The following SOCS7 variants were observed in gnomAD, a reference collection of about 807,000 sequenced individuals.
SOCS7 encodes the protein suppressor of cytokine signaling 7.
In SOCS7, 18 loss-of-function variants were observed where a neutral mutation model predicts 58.9. The observed-to-expected ratio is 0.31, with a 90% CI of 0.21 to 0.45. SOCS7 has a LOEUF of 0.45. SOCS7 is among the 20% of genes least tolerant of loss of function. The pLI is 1.00. For missense variants in SOCS7, 667 were observed against 837.3 expected, an observed-to-expected ratio of 0.80 and a Z score of 2.51; for synonymous variants, 388 against 364.3, an observed-to-expected ratio of 1.06 and a Z score of -0.74.
intron 2 of SOCS7, 98 bp downstream of exon 2, chr17:38,361,873 C>T (rs1256009926): frequency 1.3e-5 from 11 of 828,034 alleles, no homozygotes; most frequent in South Asian, 5.0e-5. Flanking sequence ...GAGCTGTAGG[C>T]GTGTCTGCAG....
chr17:38,385,341 A>T (rs1045911091), intron 7 of SOCS7, among the ~76,000 whole-genome samples: 1 of 151,690 alleles, frequency 6.6e-6, no homozygotes, highest in Non-Finnish European at 1.5e-5. Context: ...TGTACTCTGA[A>T]TTTCCTGTAA....
chr17:38,376,743 A>G (rs2037936490), intron 6 of SOCS7, among the ~76,000 whole-genome samples: 2 of 152,162 alleles, frequency 1.3e-5, no homozygotes, highest in Non-Finnish European at 2.9e-5. Flanking sequence ...AAAAAAAAAA[A>G]AAGTTATAAG....
chr17:38,389,906 T>TATATATATGTACATATATATATATAG (rs1555571102), intron 7 of SOCS7, among the ~76,000 whole-genome samples: 7 of 103,478 alleles, frequency 6.8e-5, no homozygotes, highest in African/African-American at 3.3e-4. Context: ...TATACACATA[T>TATATATATGTACATATATATATATAG]AGAGAGAGAG....
chr17:38,391,868 A>G (rs913515754), intron 7 of SOCS7, among the ~76,000 whole-genome samples: 9 of 152,202 alleles, frequency 5.9e-5, no homozygotes, highest in Admixed American at 5.2e-4. Context: ...GGGGTCAGAA[A>G]AACCTTTGGT....
rs140328459 is a variant in SOCS7 at position 38,395,750 on chromosome 17, A to C, written c.1818-98A>C. ...GAAAATGGGGATTGTGTTAGGTCTCAACCATGTAGGGAGTGAAGAAGAGTT... is the reference window on the plus strand; with the variant it reads ...GAAAATGGGGATTGTGTTAGGTCTCCACCATGTAGGGAGTGAAGAAGAGTT... On this transcript the variant is annotated intron_variant, in intron 8 of 9. Transcript: ENST00000612932. 53 of 1,264,758 alleles carry C rather than the reference A, an allele frequency of 4.2e-5. No homozygotes were observed. In the African/African-American group the frequency reaches 7.3e-4, roughly 18 times the overall value. The allele number at this position is 1,264,758 out of a possible 1,614,324, so 78.3% of individuals were successfully genotyped here.
At chr17:38,383,418 T>C (rs1433214616) in intron 7 of SOCS7, among the ~76,000 whole-genome samples, 1 of 152,176 alleles carries the variant, frequency 6.6e-6, no homozygotes, top group Non-Finnish European at 1.5e-5. Context: ...ATAAAGGTGG[T>C]ACCCAAGATA....
rs2037775690 is a variant in SOCS7 at position 38,365,371 on chromosome 17, C to CT, written c.1217dup (p.Leu408ProfsTer23). 6.2e-7 allele frequency: 1 copy of CT among 1,612,684 alleles called. No individual in the cohort carries two copies. Among genetic ancestry groups the CT allele is most frequent in the Non-Finnish European group, 8.5e-7 (1 of 1,179,404 alleles). On this transcript the variant is annotated frameshift_variant, in exon 4 of 10. Transcript: ENST00000612932. LOFTEE classifies it high-confidence loss of function. The stretch of plus-strand genomic sequence containing the variant: ...GCTCCGATGGGGTCTTCCTTGCAGT[C>CT]TTTCCCCCTACCTCCGCCTCCTCCA...
chr17:38,355,911 T>C (rs2037630874), intron 1 of SOCS7, among the ~76,000 whole-genome samples: 1 of 152,070 alleles, frequency 6.6e-6, no homozygotes, highest in Non-Finnish European at 1.5e-5. Context: ...TGAGGTGGAG[T>C]CTTGCTCTGT....
At chr17:38,368,972 T>G (rs2037827281) in intron 6 of SOCS7, among the ~76,000 whole-genome samples, 1 of 152,234 alleles carries the variant, frequency 6.6e-6, no homozygotes, top group Non-Finnish European at 1.5e-5. Context: ...TGGTACTTCA[T>G]GTGCCAGTCA....
intron 6 of SOCS7, among the ~76,000 whole-genome samples, chr17:38,375,340 C>T (rs968945371): frequency 6.6e-5 from 10 of 152,116 alleles, no homozygotes; most frequent in Non-Finnish European, 1.5e-4. Context: ...TCTTCCTCTT[C>T]CTCTTCCTCC....
At chr17:38,376,836 A>G (rs2037938118) in intron 6 of SOCS7, among the ~76,000 whole-genome samples, 2 of 152,220 alleles carry the variant, frequency 1.3e-5, no homozygotes, top group South Asian at 4.1e-4. Flanking sequence ...ATTTTGGTCA[A>G]TGATAGACTA....
chr17:38,386,243 G>C (rs1186290443), intron 7 of SOCS7, among the ~76,000 whole-genome samples: 1 of 146,522 alleles, frequency 6.8e-6, no homozygotes, highest in African/African-American at 2.6e-5. Flanking sequence ...AGAATGGCCT[G>C]AACCCAGGAG....
intron 1 of SOCS7, among the ~76,000 whole-genome samples, chr17:38,356,360 AACAGAGCCAG>A (rs2037637922): frequency 6.6e-6 from 1 of 151,434 alleles, no homozygotes. Context: ...CAGCCTGGGC[AACAGAGCCAG>A]ACTCCATCTT....
chr17:38,377,634 A>G, intron 6 of SOCS7, 80 bp from the exon 7 acceptor site: 3 of 1,374,126 alleles, frequency 2.2e-6, no homozygotes, highest in African/African-American at 1.5e-5. Flanking sequence ...AGTGAGAATC[A>G]TAGTTAAAAT....
chr17:38,405,490 A>C lies in SOCS7; in HGVS notation c.*6008A>C, dbSNP rs2038379958. 2 of 152,148 alleles carry C rather than the reference A, an allele frequency of 1.3e-5. No individual in the cohort carries two copies. The highest frequency in any genetic ancestry group is 1.3e-4 in the Admixed American group (2 of 15,278). 9.4% of individuals were successfully genotyped at this position (152,148 alleles called of 1,614,324 possible). On this transcript the variant is annotated 3_prime_UTR_variant, in exon 10 of 10. Coordinates refer to ENST00000612932, the MANE Select transcript of SOCS7 (RefSeq NM_014598.4). The stretch of plus-strand genomic sequence containing the variant: ...TTTTGTAAGTGTCAGTGCGAGAGAC[A>C]TTTGACTCTTGTGTTTGTATCTCCT...
chr17:38,380,225 C>A (rs183652989), intron 7 of SOCS7, among the ~76,000 whole-genome samples: 1 of 152,106 alleles, frequency 6.6e-6, no homozygotes, highest in Admixed American at 6.6e-5. Flanking sequence ...GTAGTGTTTG[C>A]AACTATTAAT....
intron 1 of SOCS7, among the ~76,000 whole-genome samples, chr17:38,354,555 C>T (rs587719024): frequency 9.9e-4 from 150 of 152,222 alleles, no homozygotes; most frequent in African/African-American, 3.4e-3. Context: ...GTGTGTTGTC[C>T]CTTTAGGTAG....
intron 7 of SOCS7, among the ~76,000 whole-genome samples, chr17:38,393,677 G>C (rs568626772): frequency 2.7e-5 from 4 of 146,010 alleles, no homozygotes; most frequent in Non-Finnish European, 4.5e-5. Flanking sequence ...GAGGTGGGCG[G>C]ATCACAAGGT....
chr17:38,363,789 C>T (rs1555567890), intron 2 of SOCS7, among the ~76,000 whole-genome samples: 2 of 151,992 alleles, frequency 1.3e-5, no homozygotes, highest in Admixed American at 1.3e-4. Flanking sequence ...AAAATACTAG[C>T]TGAGGGGCTC....
Sources: gnomAD v4.1 joint callset for allele counts (sites outside exome capture counted in the v4.1 genomes callset) on GRCh38, gnomAD v4.1.1 for gene constraint, MANE v1.5 for transcripts, NCBI Gene and HGNC (gene_info 2026-07-23, HGNC 2026-07-21) for gene names.